PLEKHM2: variants seen among roughly 807,000 people sequenced by gnomAD.
The protein encoded by PLEKHM2 is pleckstrin homology and RUN domain containing M2, also known as pleckstrin homology domain-containing family M member 2.
A neutral mutation model predicts 116.3 loss-of-function variants in PLEKHM2; 77 were observed. That is an observed-to-expected ratio of 0.66 (90% CI 0.55 to 0.80). PLEKHM2 has a LOEUF of 0.80. Among genes scored for constraint, PLEKHM2 ranks in the 30% least tolerant of loss-of-function variants. PLEKHM2 has a pLI of 0.00. For missense variants in PLEKHM2, 1,183 were observed against 1,354.9 expected (o/e 0.87, Z 1.99); for synonymous variants, 562 against 571.0 (o/e 0.98, Z 0.22).
At position 15,721,348 on chromosome 1, in the gene PLEKHM2, G is replaced by A. The variant is rs1366455859; in HGVS notation, c.672G>A (p.Val224=). The A allele has an allele frequency of 6.4e-7, 1 of 1,568,600 alleles. No homozygotes were observed. Among genetic ancestry groups the A allele is most frequent in the Non-Finnish European group, 8.7e-7 (1 of 1,155,428 alleles). Residue 224 remains valine, a synonymous_variant, in exon 7 of 20, where the codon GTG becomes GTA. Transcript: ENST00000375799. This position sits in a 1 kb window ranked among gnomAD's most constrained non-coding sequence, Gnocchi z 5.1. ...PSSEDYDFGD[V]FPAVPSVPST... ...TTGTAGATTATGATTTTGGAGATGT[G>A]TTTCCAGCAGTGCCGTCTGTACCCA...
upstream of PLEKHM2, chr1:15,682,854 T>C (rs1036833794): frequency 6.6e-6 from 1 of 151,856 alleles, no homozygotes; most frequent in African/African-American, 2.4e-5. Flanking sequence ...TGTCTGAGAA[T>C]AAAAAGGAGG....
intron 1 of PLEKHM2, among the ~76,000 whole-genome samples, chr1:15,710,618 C>T (rs946320378): frequency 1.3e-5 from 2 of 152,104 alleles, no homozygotes; most frequent in African/African-American, 2.4e-5. Flanking sequence ...TAAGCCACTG[C>T]ACCCAGCTAC....
Position 15,734,270 on chromosome 1 carries a change from T to A in PLEKHM2, c.*336T>A. On this transcript the variant is annotated 3_prime_UTR_variant, in exon 20 of 20. Coordinates refer to ENST00000375799, the MANE Select transcript of PLEKHM2 (RefSeq NM_015164.4). ...CGAGTGGCACCGAGAACACCATCCATCTAAGGACGAACAAAAGAACCAGGA... is the reference window on the plus strand; with the variant it reads ...CGAGTGGCACCGAGAACACCATCCAACTAAGGACGAACAAAAGAACCAGGA... 3.7e-6 allele frequency: 1 copy of A among 272,020 alleles called. No individual in the cohort carries two copies. The highest frequency in any genetic ancestry group is 6.9e-6 in the Non-Finnish European group (1 of 144,498). 16.9% of individuals were successfully genotyped at this position (272,020 alleles called of 1,614,324 possible). A position where few individuals can be genotyped will look rare whatever the true frequency, so the allele number is the denominator to read the frequency against.
At chr1:15,705,364 C>T (rs1641204771) in intron 1 of PLEKHM2, among the ~76,000 whole-genome samples, 1 of 151,480 alleles carries the variant, frequency 6.6e-6, no homozygotes, top group Non-Finnish European at 1.5e-5. Context: ...TGTATTTTTG[C>T]TGAGGTAGGG....
Position 15,729,460 on chromosome 1 carries a change from C to T in PLEKHM2, c.2075+270C>T, listed in dbSNP as rs1180739982. Among the ~76,000 whole-genome samples, 4 of 152,162 alleles carry T rather than the reference C, an allele frequency of 2.6e-5. No homozygotes were observed. The highest frequency in any genetic ancestry group is 5.9e-5 in the Non-Finnish European group (4 of 68,018). On this transcript the variant is annotated intron_variant, in intron 13 of 19. Transcript: ENST00000375799. This position sits in a 1 kb window ranked among gnomAD's most constrained non-coding sequence, Gnocchi z 4.7. ...TTGGACAGGAAGGCAGGCAGAGAGC[C>T]ATGCTGCTGGGCCAGGCGTGCCCTT...
At chr1:15,692,765 G>T (rs1297488574) in intron 1 of PLEKHM2, among the ~76,000 whole-genome samples, 4 of 151,880 alleles carry the variant, frequency 2.6e-5, no homozygotes, top group Non-Finnish European at 4.4e-5. Flanking sequence ...TTTTAATGGA[G>T]TTTTGCTCTT....
intron 1 of PLEKHM2, among the ~76,000 whole-genome samples, chr1:15,712,493 C>A (rs1427899442): frequency 6.6e-6 from 1 of 152,124 alleles, no homozygotes; most frequent in African/African-American, 2.4e-5. Context: ...GCACAATGGT[C>A]ACTGCAATAT....
rs775313061 is a variant in PLEKHM2, at chr1:15,721,757, C to T, written c.712+369C>T. ...CTGGAAAACCATGCCTTTAAACATG[C>T]GGGTTGTAAGCTCCTGCGGGTCAGA... On this transcript the variant is annotated intron_variant, in intron 7 of 19. Transcript: ENST00000375799. This position sits in a 1 kb window ranked among gnomAD's most constrained non-coding sequence, Gnocchi z 5.1. Among the ~76,000 whole-genome samples the T allele has an allele frequency of 2.6e-5, 4 of 152,132 alleles. 1 individual carries two copies. In the South Asian group the frequency reaches 8.3e-4, roughly 32 times the overall value.
At chr1:15,723,901 A>G (rs1447674173) in intron 7 of PLEKHM2, among the ~76,000 whole-genome samples, 6 of 152,362 alleles carry the variant, frequency 3.9e-5, no homozygotes, top group Admixed American at 6.5e-5. Context: ...AGCGGCCAGC[A>G]AGATGAGCAT....
At chr1:15,686,648 A>ATTTTTTTTTTTTTTTTTTTTTTTTTTTTT (rs1233033159) in intron 1 of PLEKHM2, among the ~76,000 whole-genome samples, 9 of 134,228 alleles carry the variant, frequency 6.7e-5, no homozygotes, top group African/African-American at 2.4e-4. Context: ...ACCCGGCTAA[A>ATTTTTTTTTTTTTTTTTTTTTTTTTTTTT]TTTTTTTTTT....
At position 15,727,871 on chromosome 1, in the gene PLEKHM2, C is replaced by G; in HGVS notation, c.1760+39C>G. 1 of 1,451,948 alleles carries G rather than the reference C, an allele frequency of 6.9e-7. No homozygotes were observed. Among genetic ancestry groups the G allele is most frequent in the South Asian group, 1.3e-5 (1 of 76,294 alleles). The allele number at this position is 1,451,948 out of a possible 1,614,324, so 89.9% of individuals were successfully genotyped here. A position where few individuals can be genotyped will look rare whatever the true frequency, so the allele number is the denominator to read the frequency against. ...GCAGCTGGCATGGGACTCTCCCAGCCCTTGAAGCTGGGGACACTGTGCCTC... is the reference window on the plus strand; with the variant it reads ...GCAGCTGGCATGGGACTCTCCCAGCGCTTGAAGCTGGGGACACTGTGCCTC... On this transcript the variant is annotated intron_variant, in intron 9 of 19. Coordinates refer to ENST00000375799, the MANE Select transcript of PLEKHM2 (RefSeq NM_015164.4). The surrounding 1 kb of genome is among the most constrained non-coding windows in gnomAD (Gnocchi z 7.5).
chr1:15,728,953 C>A lies in PLEKHM2; in HGVS notation c.1987-149C>A, dbSNP rs2148375117. 1 of 804,962 alleles carries A rather than the reference C, an allele frequency of 1.2e-6. No homozygotes were observed. Among genetic ancestry groups the A allele is most frequent in the East Asian group, 2.7e-5 (1 of 37,274 alleles). 49.9% of individuals were successfully genotyped at this position (804,962 alleles called of 1,614,324 possible). A position where few individuals can be genotyped will look rare whatever the true frequency, so the allele number is the denominator to read the frequency against. Reference sequence around the variant, plus strand: ...GACTTCTGACCGTCCCTCCCTCACTCATGCCAGCCCCTGGCCTCTGGGGCT... The same window carrying A: ...GACTTCTGACCGTCCCTCCCTCACTAATGCCAGCCCCTGGCCTCTGGGGCT... On this transcript the variant is annotated intron_variant, in intron 12 of 19. Transcript: ENST00000375799. The surrounding 1 kb of genome is among the most constrained non-coding windows in gnomAD (Gnocchi z 5.9).
chr1:15,716,982 G>T (rs953224066), intron 3 of PLEKHM2, among the ~76,000 whole-genome samples, 166 bp downstream of exon 3: 1 of 152,256 alleles, frequency 6.6e-6, no homozygotes, highest in Non-Finnish European at 1.5e-5. Flanking sequence ...GCCAGGCATG[G>T]TGGCTCACAC....
Position 15,719,645 on chromosome 1 carries a change from C to A in PLEKHM2, c.466-89C>A. On this transcript the variant is annotated intron_variant, in intron 5 of 19. Coordinates refer to ENST00000375799, the MANE Select transcript of PLEKHM2 (RefSeq NM_015164.4). The surrounding 1 kb of genome is among the most constrained non-coding windows in gnomAD (Gnocchi z 4.1). ...CCATTGATTTCCCAAAGAGGCACATCTGTGTCTCCCAGGCCTGGATCCTGC... is the reference window on the plus strand; with the variant it reads ...CCATTGATTTCCCAAAGAGGCACATATGTGTCTCCCAGGCCTGGATCCTGC... 1.2e-6 allele frequency: 1 copy of A among 814,624 alleles called. No individual in the cohort carries two copies. Among genetic ancestry groups the A allele is most frequent in the Non-Finnish European group, 2.0e-6 (1 of 494,020 alleles). 50.5% of individuals were successfully genotyped at this position (814,624 alleles called of 1,614,324 possible). A position where few individuals can be genotyped will look rare whatever the true frequency, so the allele number is the denominator to read the frequency against.
intron 1 of PLEKHM2, among the ~76,000 whole-genome samples, chr1:15,689,389 G>C (rs920823123): frequency 6.6e-6 from 1 of 152,194 alleles, no homozygotes; most frequent in East Asian, 1.9e-4. Context: ...GGCGTGACCT[G>C]TCTTAAGAGG....
At chr1:15,708,476 A>G (rs911554498) in intron 1 of PLEKHM2, among the ~76,000 whole-genome samples, 1 of 152,166 alleles carries the variant, frequency 6.6e-6, no homozygotes, top group African/African-American at 2.4e-5. Flanking sequence ...CGGCCTCCCA[A>G]AGTGCTGGGA....
intron 1 of PLEKHM2, among the ~76,000 whole-genome samples, chr1:15,696,969 TAA>T: frequency 6.6e-6 from 1 of 152,284 alleles, no homozygotes; most frequent in South Asian, 2.1e-4. Flanking sequence ...TCCCCCAGCC[TAA>T]CATTGTGATT....
At position 15,719,616 on chromosome 1, in the gene PLEKHM2, T is replaced by G; in HGVS notation, c.466-118T>G. 1 of 662,118 alleles carries G rather than the reference T, an allele frequency of 1.5e-6. No individual in the cohort carries two copies. The highest frequency in any genetic ancestry group is 2.7e-6 in the Non-Finnish European group (1 of 374,962). 41.0% of individuals were successfully genotyped at this position (662,118 alleles called of 1,614,324 possible). On this transcript the variant is annotated intron_variant, in intron 5 of 19. Transcript: ENST00000375799. The surrounding 1 kb of genome is among the most constrained non-coding windows in gnomAD (Gnocchi z 4.1). ...CAGCTTTTCTTTGAATTTACTACCT[T>G]AAGCCATTGATTTCCCAAAGAGGCA...
chr1:15,700,660 ACT>A (rs1050630333), intron 1 of PLEKHM2, among the ~76,000 whole-genome samples: 3 of 151,944 alleles, frequency 2.0e-5, no homozygotes, highest in African/African-American at 7.3e-5. Flanking sequence ...GCCCCAGGAA[ACT>A]CTGCTTCCTA....
Sources: gnomAD v4.1 joint callset for allele counts (sites outside exome capture counted in the v4.1 genomes callset) on GRCh38, gnomAD v4.1.1 for gene constraint, Gnocchi (gnomAD v3.1) non-coding constraint, MANE v1.5 for transcripts, NCBI Gene and HGNC (gene_info 2026-07-23, HGNC 2026-07-21) for gene names.